Variants in SLC22A24 observed in about 807,000 individuals in gnomAD.
SLC22A24 encodes the protein solute carrier family 22 member 24, also known as steroid transmembrane transporter SLC22A24.
Under a neutral mutation model 49.8 loss-of-function variants are expected in SLC22A24, and 53 were observed. The ratio of observed to expected loss-of-function variants is 1.06; its 90% confidence interval spans 0.85 to 1.34. The LOEUF (loss-of-function observed/expected upper bound fraction) is 1.34. Among genes scored for constraint, SLC22A24 ranks in the 40% most tolerant of loss-of-function variants. SLC22A24 has a pLI of 0.00. For missense variants in SLC22A24, 786 were observed against 675.9 expected (o/e 1.16, Z -1.81); for synonymous variants, 302 against 256.4 (o/e 1.18, Z -1.70).
At chr11:63,090,251 C>T (rs1412644975) in intron 6 of SLC22A24, among the ~76,000 whole-genome samples, 1 of 151,936 alleles carries the variant, frequency 6.6e-6, no homozygotes, top group African/African-American at 2.4e-5. Flanking sequence ...GACTCCCACA[C>T]AATAATAGTG....
At chr11:63,097,294 G>A (rs572965069) in intron 5 of SLC22A24, among the ~76,000 whole-genome samples, 2 of 152,124 alleles carry the variant, frequency 1.3e-5, no homozygotes, top group Non-Finnish European at 2.9e-5. Flanking sequence ...CTCAAAAGAA[G>A]ATATTTATGC....
intron 4 of SLC22A24, among the ~76,000 whole-genome samples, chr11:63,110,719 A>G (rs2087156927): frequency 7.4e-6 from 1 of 135,198 alleles, no homozygotes; most frequent in Non-Finnish European, 1.6e-5. Context: ...ACTTTGCTGA[A>G]GTTGCTTATC....
chr11:63,100,399 T>G (rs1163788638), intron 5 of SLC22A24, among the ~76,000 whole-genome samples: 1 of 152,110 alleles, frequency 6.6e-6, no homozygotes, highest in Non-Finnish European at 1.5e-5. Flanking sequence ...TATAAAGCAC[T>G]GATGCAAGAA....
At chr11:63,108,243 T>C (rs1428421753) in intron 4 of SLC22A24, among the ~76,000 whole-genome samples, 1 of 152,194 alleles carries the variant, frequency 6.6e-6, no homozygotes, top group Non-Finnish European at 1.5e-5. Context: ...CATTTATTGA[T>C]TTGCATATGC....
chr11:63,103,875 A>G (rs1051960277), intron 5 of SLC22A24, among the ~76,000 whole-genome samples: 1 of 152,198 alleles, frequency 6.6e-6, no homozygotes, highest in Non-Finnish European at 1.5e-5. Flanking sequence ...GGGGACCATG[A>G]GTCAGTAAAA....
chr11:63,080,046 A>T (rs17157721), intron 9 of SLC22A24, 46 bp from the exon 10 acceptor site: 4 of 1,255,346 alleles, frequency 3.2e-6, no homozygotes, highest in East Asian at 2.5e-5. Flanking sequence ...GAAACAAAAA[A>T]TAAATAAGAT....
intron 2 of SLC22A24, among the ~76,000 whole-genome samples, chr11:63,129,468 G>T (rs946490917): frequency 6.6e-6 from 1 of 152,110 alleles, no homozygotes; most frequent in Non-Finnish European, 1.5e-5. Context: ...GTCTCTTTTT[G>T]GTTCCATGTG....
At chr11:63,118,428 G>T in intron 4 of SLC22A24, 1 of 168,476 alleles carries the variant, frequency 5.9e-6, no homozygotes, top group East Asian at 1.7e-4. Flanking sequence ...TTGCTTTTAT[G>T]GAGGAACCAA....
intron 8 of SLC22A24, 131 bp downstream of exon 8, chr11:63,081,427 C>T: frequency 1.4e-6 from 1 of 711,384 alleles, no homozygotes; most frequent in Admixed American, 2.5e-5. Flanking sequence ...ATATGGCTCT[C>T]AGTTACTCTG....
chr11:63,133,984 A>G (rs1378274742), intron 2 of SLC22A24, among the ~76,000 whole-genome samples: 2 of 152,190 alleles, frequency 1.3e-5, no homozygotes, highest in Admixed American at 1.3e-4. Context: ...ATATACCACA[A>G]TCTATTAGAG....
At chr11:63,087,024 G>GTGCGCA (rs1555045311) in intron 6 of SLC22A24, among the ~76,000 whole-genome samples, 3 of 132,556 alleles carry the variant, frequency 2.3e-5, no homozygotes, top group Non-Finnish European at 3.1e-5. Flanking sequence ...CCTGGAGGGC[G>GTGCGCA]CACACACACA....
At chr11:63,107,364 G>A (rs942814368) in intron 4 of SLC22A24, among the ~76,000 whole-genome samples, 1 of 152,274 alleles carries the variant, frequency 6.6e-6, no homozygotes, top group South Asian at 2.1e-4. Context: ...GTCAGGTAGT[G>A]TGATGCCTCC....
At chr11:63,134,078 C>T (rs1298680260) in intron 2 of SLC22A24, among the ~76,000 whole-genome samples, 1 of 152,172 alleles carries the variant, frequency 6.6e-6, no homozygotes, top group Non-Finnish European at 1.5e-5. Flanking sequence ...TCACAAGGAT[C>T]AGCATCCAGG....
Position 63,096,041 on chromosome 11 carries a change from CA to C in SLC22A24, c.1019del (p.Leu340ArgfsTer9). 4 of 1,550,930 alleles carry C rather than the reference CA, an allele frequency of 2.6e-6. No homozygotes were observed. The highest frequency in any genetic ancestry group is 1.2e-5 in the South Asian group (1 of 84,030). On this transcript the variant is annotated frameshift_variant, in exon 6 of 10. Coordinates refer to ENST00000612278, the MANE Select transcript of SLC22A24 (RefSeq NM_001136506.2). LOFTEE classifies it high-confidence loss of function. ...AVRIKTSIFS[L>X]FRAPKLRMRV... ...TCATTCGCAATTTGGGTGCACGGAA[CA>C]GGGAAAAAATGGATGTTTTAATTCG...
intron 4 of SLC22A24, among the ~76,000 whole-genome samples, chr11:63,108,122 T>C (rs903495620): frequency 1.8e-4 from 28 of 152,296 alleles, no homozygotes; most frequent in African/African-American, 6.5e-4. Context: ...ATACCTAGTC[T>C]ATTGAGAGTT....
rs550171133 is a variant in SLC22A24 at position 63,121,365 on chromosome 11, A to G, written c.507-2030T>C. ...ATATCGAGATGTTAATATTAGAAAT[A>G]GATGTGTTGTTAGGAATACTGTTGT... On this transcript the variant is annotated intron_variant, in intron 2 of 9. Coordinates refer to ENST00000612278, the MANE Select transcript of SLC22A24 (RefSeq NM_001136506.2). Among the ~76,000 whole-genome samples the G allele has an allele frequency of 3.3e-5, 5 of 152,268 alleles. No individual in the cohort carries two copies. The South Asian group carries it at 8.3e-4, about 25-fold the overall frequency.
chr11:63,124,061 G>A (rs1002727935), intron 2 of SLC22A24, among the ~76,000 whole-genome samples: 3 of 152,132 alleles, frequency 2.0e-5, no homozygotes, highest in Non-Finnish European at 4.4e-5. Context: ...TAAACAGAAG[G>A]TGTGGGCTGA....
chr11:63,116,263 A>G, intron 4 of SLC22A24: 1 of 309,668 alleles, frequency 3.2e-6, no homozygotes, highest in Admixed American at 3.8e-5. Flanking sequence ...TATCTTTGTG[A>G]TCAGGGTTTC....
Position 63,119,351 on chromosome 11 carries a change from C to T in SLC22A24, c.507-16G>A. On this transcript the variant is annotated splice_polypyrimidine_tract_variant and intron_variant, in intron 2 of 9. Coordinates refer to ENST00000612278, the MANE Select transcript of SLC22A24 (RefSeq NM_001136506.2). ...CCGTCCAACCCTAAGAAATATTAAA[C>T]CAGATAACGTTACTTAGGAACAAAA... The T allele has an allele frequency of 6.6e-7, 1 of 1,508,042 alleles. No individual in the cohort carries two copies. Among genetic ancestry groups the T allele is most frequent in the East Asian group, 2.5e-5 (1 of 40,438 alleles). The allele number at this position is 1,508,042 out of a possible 1,614,324, so 93.4% of individuals were successfully genotyped here. A position where few individuals can be genotyped will look rare whatever the true frequency, so the allele number is the denominator to read the frequency against.
Sources: allele counts gnomAD v4.1 joint callset (sites outside exome capture counted in the v4.1 genomes callset), GRCh38; gene constraint gnomAD v4.1.1; transcripts MANE v1.5; gene names NCBI Gene and HGNC (gene_info 2026-07-23, HGNC 2026-07-21).